The following DTNA variants were observed in gnomAD, a reference collection of about 807,000 sequenced individuals.
DTNA encodes the protein dystrophin-related protein 3.
In DTNA, 43 loss-of-function variants were observed where a neutral mutation model predicts 100.7. The observed-to-expected ratio is 0.43, with a 90% CI of 0.33 to 0.55. The LOEUF is 0.55. DTNA is among the 20% of genes least tolerant of loss of function. The pLI is 0.04. For synonymous variants in DTNA, 349 were observed against 347.9 expected (o/e 1.00, Z -0.04); for missense variants, 798 against 953.9 (o/e 0.84, Z 2.15).
intron 2 of DTNA, among the ~76,000 whole-genome samples, chr18:34,758,190 A>C (rs2092909428): frequency 1.3e-5 from 2 of 152,140 alleles, no homozygotes; most frequent in Non-Finnish European, 2.9e-5. Flanking sequence ...CTTATCAGAG[A>C]AGACTGACAT....
rs111290930 is a variant in DTNA at position 34,591,871 on chromosome 18, C to T, written c.-2+98357C>T. Among the ~76,000 whole-genome samples, 391 of 152,246 alleles carry T rather than the reference C, an allele frequency of 2.6e-3. 4 individuals are homozygous for T. Among genetic ancestry groups the T allele is most frequent in the African/African-American group, 8.7e-3 (363 of 41,548 alleles). ...CAATCTATATGGGGCATCAAAATAT[C>T]ACTAAAATAGGCTAGTAATATGATG... On this transcript the variant is annotated intron_variant, in intron 1 of 19. Coordinates refer to the DTNA transcript ENST00000283365.
At chr18:34,739,486 A>G (rs11662974) in intron 1 of DTNA, among the ~76,000 whole-genome samples, 30,009 of 152,090 alleles carry the variant, frequency 0.2, 3,274 homozygotes, top group African/African-American at 0.28. Flanking sequence ...ACATTTCCAG[A>G]CAGATGTGCC....
chr18:34,682,088 A>G (rs2078214403), intron 1 of DTNA, among the ~76,000 whole-genome samples: 1 of 152,142 alleles, frequency 6.6e-6, no homozygotes, highest in Non-Finnish European at 1.5e-5. Context: ...TCACTCAGTA[A>G]TATGCATTTA....
chr18:34,632,834 A>G (rs574792835), intron 1 of DTNA, among the ~76,000 whole-genome samples: 1 of 152,146 alleles, frequency 6.6e-6, no homozygotes, highest in East Asian at 1.9e-4. Context: ...TTTTCTGTTA[A>G]GCTAGTCCAC....
rs774940705 is a variant in DTNA, at chr18:34,812,025, G to A, written c.515G>A (p.Arg172Gln). Residue 172 changes from arginine (R) to glutamine (Q), a missense_variant, in exon 6 of 23, where the codon CGG (arginine) becomes CAG (glutamine). Around this residue, in one of 6 missense-constraint regions of DTNA, gnomAD observed 197 missense variants for 215.4 expected, o/e 0.91. Transcript: ENST00000444659. ...MVYGRYDQFL[R>Q]EVLKLPTAVF... ...TATGGACGATATGACCAATTCCTTCGGGAAGTTCTCAAACTACCCACGGCA... is the reference window on the plus strand; with the variant it reads ...TATGGACGATATGACCAATTCCTTCAGGAAGTTCTCAAACTACCCACGGCA... 1.4e-5 allele frequency: 23 copies of A among 1,613,896 alleles called. No homozygotes were observed. In the South Asian group the frequency reaches 2.0e-4, roughly 14 times the overall value.
chr18:34,880,976 A>G (rs2096866212), intron 20 of DTNA, among the ~76,000 whole-genome samples: 1 of 152,150 alleles, frequency 6.6e-6, no homozygotes, highest in Non-Finnish European at 1.5e-5. Context: ...TCCTTGTCCT[A>G]ATTCTAAAAT....
At chr18:34,806,166 T>A (rs1156426789) in intron 4 of DTNA, 53 bp from the exon 5 acceptor site, 20 of 1,497,794 alleles carry the variant, frequency 1.3e-5, no homozygotes, top group African/African-American at 2.8e-5. Flanking sequence ...CCAAATGACA[T>A]CATGGTTTTG....
rs184983414 is a variant in DTNA at position 34,646,006 on chromosome 18, A to T, written c.-1-109970A>T. 3.5e-3 allele frequency among the ~76,000 whole-genome samples: 540 copies of T among 152,284 alleles called. 20 individuals are homozygous for T. The highest frequency in any genetic ancestry group is 0.029 in the Admixed American group (450 of 15,298). On this transcript the variant is annotated intron_variant, in intron 1 of 19. Transcript: ENST00000283365. ...TATCCTTCTAACTGCATGGGATGTG[A>T]TCATCTGAACTGCACTGACTGCATA...
At chr18:34,777,056 A>T (rs558311242) in intron 3 of DTNA, among the ~76,000 whole-genome samples, 1 of 151,084 alleles carries the variant, frequency 6.6e-6, no homozygotes, top group Non-Finnish European at 1.5e-5. Context: ...CCCATTTAAC[A>T]CTCCAGTTCC....
intron 1 of DTNA, among the ~76,000 whole-genome samples, chr18:34,496,255 G>A (rs1354839771): frequency 1.8e-5 from 2 of 108,472 alleles, no homozygotes; most frequent in East Asian, 3.6e-4. Context: ...CCAGAATTAT[G>A]GCTACATCTT....
chr18:34,751,075 A>G (rs763418307), intron 1 of DTNA, among the ~76,000 whole-genome samples: 42 of 152,208 alleles, frequency 2.8e-4, no homozygotes, highest in Middle Eastern at 3.2e-3. Flanking sequence ...TTTAATGACC[A>G]TTCTGAAGAA....
intron 17 of DTNA, chr18:34,866,980 CA>C (rs398032444): frequency 0.94 from 926,342 of 989,668 alleles, 431,558 homozygotes; most frequent in African/African-American, 0.97. Context: ...GCAGCAAACT[CA>C]AAAAAAAAAA....
intron 1 of DTNA, among the ~76,000 whole-genome samples, chr18:34,581,482 A>G (rs1356131761): frequency 1.3e-5 from 2 of 152,048 alleles, no homozygotes; most frequent in Non-Finnish European, 2.9e-5. Context: ...TTTTTTTAAA[A>G]TATGATTTTG....
chr18:34,783,759 A>G (rs568980065), intron 3 of DTNA, among the ~76,000 whole-genome samples: 2 of 152,320 alleles, frequency 1.3e-5, no homozygotes, highest in Admixed American at 6.5e-5. Flanking sequence ...AAATGTATCT[A>G]TTGACCCTGG....
intron 1 of DTNA, among the ~76,000 whole-genome samples, chr18:34,581,582 A>C (rs547184480): frequency 6.6e-6 from 1 of 151,356 alleles, no homozygotes; most frequent in Admixed American, 6.6e-5. Flanking sequence ...TGCACTGTAA[A>C]TATGGGGGCA....
At chr18:34,705,426 GC>G (rs2081992036), upstream of DTNA, among the ~76,000 whole-genome samples, 1 of 152,198 alleles carries the variant, frequency 6.6e-6, no homozygotes. Flanking sequence ...TGAGAGGGAA[GC>G]CCTCAGAGAT....
chr18:34,854,901 T>G (rs1027299246), intron 15 of DTNA, among the ~76,000 whole-genome samples: 25 of 152,356 alleles, frequency 1.6e-4, no homozygotes, highest in African/African-American at 5.5e-4. Context: ...CATTTCATCC[T>G]CAGAACAACT....
chr18:34,730,233 G>C (rs2087764770), intron 1 of DTNA, among the ~76,000 whole-genome samples: 1 of 152,216 alleles, frequency 6.6e-6, no homozygotes, highest in Non-Finnish European at 1.5e-5. Flanking sequence ...GAACTGCTGG[G>C]TGAGGAATTT....
At chr18:34,594,625 T>C (rs547488013) in intron 1 of DTNA, among the ~76,000 whole-genome samples, 6 of 152,314 alleles carry the variant, frequency 3.9e-5, no homozygotes, top group Admixed American at 2.6e-4. Context: ...TCTTATGGAT[T>C]TTTCATTCAA....
Sources: allele counts gnomAD v4.1 joint callset (sites outside exome capture counted in the v4.1 genomes callset), GRCh38; gene constraint gnomAD v4.1.1; regional missense constraint gnomAD v4.1.1; transcripts MANE v1.5; gene names NCBI Gene and HGNC (gene_info 2026-07-23, HGNC 2026-07-21).